HOXB8: variants seen among roughly 807,000 people sequenced by gnomAD.
The protein encoded by HOXB8 is homeobox protein Hox-B8.
HOXB8 carries 17 observed loss-of-function variants against 22.2 expected under a neutral mutation model. The ratio of observed to expected loss-of-function variants is 0.77; its 90% CI spans 0.53 to 1.15. HOXB8 has a LOEUF of 1.15. HOXB8 is among the 50% of genes most tolerant of loss of function. The probability of loss-of-function intolerance (pLI) is 0.00; values close to 1 mark genes in which losing one functional copy is unlikely to be tolerated. For missense variants in HOXB8, 287 were observed against 323.8 expected (o/e 0.89, Z 0.87); for synonymous variants, 156 against 144.6 (o/e 1.08, Z -0.57).
rs11267100 is a variant in HOXB8 at position 48,614,225 on chromosome 17, A to AGGCCCCCTGCCG, written c.424+55_424+56insCGGCAGGGGGCC. The AGGCCCCCTGCCG allele has an allele frequency of 7.4e-7, 1 of 1,354,116 alleles. No homozygotes were observed. The highest frequency in any genetic ancestry group is 9.6e-7 in the Non-Finnish European group (1 of 1,041,884). 83.9% of individuals were successfully genotyped at this position (1,354,116 alleles called of 1,614,324 possible). On this transcript the variant is annotated intron_variant, in intron 1 of 1. Transcript: ENST00000239144. This position sits in a 1 kb window ranked among gnomAD's most constrained non-coding sequence, Gnocchi z 4.1. ...TGGAGGAAATGCGCCCCGGCCTGCC[A>AGGCCCCCTGCCG]GGCCTTGGGCCCTTCCGGCCCCCTC...
Position 48,614,848 on chromosome 17 carries a change from G to A in HOXB8, c.-144C>T, listed in dbSNP as rs1030598876. ...AGTCACCCTCGCCAGGAAAGGAGAGGGAAAGAGAGGAGGGAAAAAAAGAAA... is the reference window on the plus strand; with the variant it reads ...AGTCACCCTCGCCAGGAAAGGAGAGAGAAAGAGAGGAGGGAAAAAAAGAAA... On this transcript the variant is annotated 5_prime_UTR_variant, in exon 1 of 2. Transcript: ENST00000239144. The surrounding 1 kb of genome is among the most constrained non-coding windows in gnomAD (Gnocchi z 4.1). 2 of 616,252 alleles carry A rather than the reference G, an allele frequency of 3.2e-6. No individual in the cohort carries two copies. The highest frequency in any genetic ancestry group is 2.3e-5 in the South Asian group (1 of 42,998). The allele number at this position is 616,252 out of a possible 1,614,324, so 38.2% of individuals were successfully genotyped here.
Position 48,613,272 on chromosome 17 carries a change from T to A in HOXB8, c.662A>T (p.Glu221Val), listed in dbSNP as rs768665495. The stretch of plus-strand genomic sequence containing the variant: ...TGGGGCCCGCTCCAGCTTCTGTTTC[T>A]CCAGCTCCTCCTGCTCGCATTTGCT... ...PSSKCEQEEL[E>V]KQKLERAPEA... The change falls in exon 2 of 2, where the codon GAG becomes GTG. Residue 221 changes from glutamate to valine, a missense_variant. Coordinates refer to ENST00000239144, the MANE Select transcript of HOXB8 (RefSeq NM_024016.4). 12 of 1,613,948 alleles carry A rather than the reference T, an allele frequency of 7.4e-6. No individual in the cohort carries two copies. Among genetic ancestry groups the A allele is most frequent in the Non-Finnish European group, 1.0e-5 (12 of 1,179,920 alleles).
At chr17:48,613,752 T>C (rs2070689055) in intron 1 of HOXB8, among the ~76,000 whole-genome samples, 1 of 151,986 alleles carries the variant, frequency 6.6e-6, no homozygotes, top group Non-Finnish European at 1.5e-5. Flanking sequence ...CCTCCCCCGG[T>C]AACCAGCACC....
In HOXB8 at chr17:48,615,280, T is replaced by G. The variant is rs1424938214; in HGVS notation, c.-576A>C. Among the ~76,000 whole-genome samples the G allele has an allele frequency of 6.7e-4, 70 of 104,546 alleles. No homozygotes were observed. Among genetic ancestry groups the G allele is most frequent in the Admixed American group, 1.4e-3 (10 of 7,190 alleles). 68.6% of individuals were successfully genotyped at this position (104,546 alleles called of 152,430 possible). A position where few individuals can be genotyped will look rare whatever the true frequency, so the allele number is the denominator to read the frequency against. ...GCTAGAGCGAGAGAGCGCCAGGGAG[T>G]GAGGAGAGAGCGGAAAAAAAAAAAG... On this transcript the variant is annotated 5_prime_UTR_variant, in exon 1 of 2. Coordinates refer to ENST00000239144, the MANE Select transcript of HOXB8 (RefSeq NM_024016.4).
intron 1 of HOXB8, among the ~76,000 whole-genome samples, chr17:48,613,752 TA>T (rs1186636891): frequency 1.3e-5 from 2 of 151,986 alleles, no homozygotes; most frequent in African/African-American, 4.8e-5. Context: ...CCTCCCCCGG[TA>T]ACCAGCACCA....
intron 1 of HOXB8, 114 bp from the exon 2 acceptor site, chr17:48,613,623 A>C: frequency 5.2e-6 from 3 of 575,252 alleles, no homozygotes; most frequent in Non-Finnish European, 5.2e-6. Context: ...TAATAAGGGC[A>C]GGGGACCTTC....
At chr17:48,613,681 A>C (rs56292972) in intron 1 of HOXB8, among the ~76,000 whole-genome samples, 172 bp from the exon 2 acceptor site, 134,056 of 149,758 alleles carry the variant, frequency 0.9, 60,232 homozygotes, top group Middle Eastern at 0.95. Flanking sequence ...CGGTCGGCGG[A>C]GGAGGAGGGG....
chr17:48,614,466 C>G lies in HOXB8; in HGVS notation c.239G>C (p.Gly80Ala). 1.2e-6 allele frequency: 2 copies of G among 1,614,006 alleles called. No homozygotes were observed. The highest frequency in any genetic ancestry group is 1.7e-6 in the Non-Finnish European group (2 of 1,179,936). ...GTAGCCGTAGAAATTGCCGGGGTCC[C>G]CGTGGCACGCCACGGCGCACGGGTT... ...QQNPCAVACH[G>A]DPGNFYGYDP... The change falls in exon 1 of 2, where the codon GGG (glycine) becomes GCG (alanine). Residue 80 changes from glycine (G) to alanine (A), a missense_variant. Coordinates refer to ENST00000239144, the MANE Select transcript of HOXB8 (RefSeq NM_024016.4). The surrounding 1 kb of genome is among the most constrained non-coding windows in gnomAD (Gnocchi z 4.1).
In HOXB8 at chr17:48,614,401, G is replaced by T. The variant is rs749106433; in HGVS notation, c.304C>A (p.Pro102Thr). 6.2e-7 allele frequency: 1 copy of T among 1,613,438 alleles called. No individual in the cohort carries two copies. Among genetic ancestry groups the T allele is most frequent in the East Asian group, 2.2e-5 (1 of 44,878 alleles). Reference sequence around the variant, plus strand: ...CAGTCTGCGTACTGCACCAGGTCTGGATCCTGCGCACCGAATAGGCTCTGG... The same window carrying T: ...CAGTCTGCGTACTGCACCAGGTCTGTATCCTGCGCACCGAATAGGCTCTGG... ...QRQSLFGAQD[P>T]DLVQYADCKL... Residue 102 changes from proline to threonine, a missense_variant, in exon 1 of 2, where the codon CCA becomes ACA. Physicochemically the swap from Pro to Thr is conservative, Grantham distance 38. Around this residue, in one of 3 missense-constraint regions of HOXB8, gnomAD observed 229 missense variants for 239.8 expected, o/e 0.95. Coordinates refer to ENST00000239144, the MANE Select transcript of HOXB8 (RefSeq NM_024016.4). The surrounding 1 kb of genome is among the most constrained non-coding windows in gnomAD (Gnocchi z 4.1).
chr17:48,613,680 G>A (rs2070687963), intron 1 of HOXB8, among the ~76,000 whole-genome samples, 171 bp from the exon 2 acceptor site: 1 of 152,052 alleles, frequency 6.6e-6, no homozygotes, highest in Non-Finnish European at 1.5e-5. Context: ...GCGGTCGGCG[G>A]AGGAGGAGGG....
At position 48,614,699 on chromosome 17, in the gene HOXB8, G is replaced by T; in HGVS notation, c.6C>A (p.Ser2Arg). ...AGAACAGTGAGTTGACGAAATAAGA[G>T]CTCATTTTATTGAATTTTGAGGCGG... Reference protein sequence around the residue: MSSYFVNSLFSK... With the variant: MRSYFVNSLFSK... Residue 2 changes from serine (S) to arginine (R), a missense_variant, in exon 1 of 2, where the codon AGC (serine) becomes AGA (arginine). Physicochemically the swap from Ser to Arg is moderately radical, Grantham distance 110. Transcript: ENST00000239144. This position sits in a 1 kb window ranked among gnomAD's most constrained non-coding sequence, Gnocchi z 4.1. The T allele has an allele frequency of 1.4e-6, 2 of 1,465,086 alleles. No individual in the cohort carries two copies. The highest frequency in any genetic ancestry group is 2.0e-5 in the Admixed American group (1 of 50,170). The allele number at this position is 1,465,086 out of a possible 1,614,324, so 90.8% of individuals were successfully genotyped here.
chr17:48,614,228 C>CCCCCTGCCCGGT lies in HOXB8; in HGVS notation c.424+52_424+53insACCGGGCAGGGG, dbSNP rs1369194629. 2 of 1,429,044 alleles carry CCCCCTGCCCGGT rather than the reference C, an allele frequency of 1.4e-6. No individual in the cohort carries two copies. The highest frequency in any genetic ancestry group is 2.9e-5 in the African/African-American group (2 of 69,102). 88.5% of individuals were successfully genotyped at this position (1,429,044 alleles called of 1,614,324 possible). On this transcript the variant is annotated intron_variant, in intron 1 of 1. Coordinates refer to ENST00000239144, the MANE Select transcript of HOXB8 (RefSeq NM_024016.4). The surrounding 1 kb of genome is among the most constrained non-coding windows in gnomAD (Gnocchi z 4.1). ...AGGAAATGCGCCCCGGCCTGCCAGG[C>CCCCCTGCCCGGT]CTTGGGCCCTTCCGGCCCCCTCCTG...
chr17:48,613,420 T>G lies in HOXB8; in HGVS notation c.514A>C (p.Thr172Pro). 3 of 1,613,366 alleles carry G rather than the reference T, an allele frequency of 1.9e-6. No individual in the cohort carries two copies. Among genetic ancestry groups the G allele is most frequent in the Non-Finnish European group, 2.5e-6 (3 of 1,179,770 alleles). ...GATACCTCGATTCGCCGCTTACGAG[T>G]CAGATAGGGATTAAATAGGAACTCC... ...EKEFLFNPYL[T>P]RKRRIEVSHA... The change falls in exon 2 of 2, where the codon ACT (threonine) becomes CCT (proline). Residue 172 changes from threonine to proline, a missense_variant. By Grantham distance (38) the Thr-to-Pro change is conservative. This residue lies in a region of HOXB8 where 229 missense variants were observed against 239.8 expected (regional missense o/e 0.95). Transcript: ENST00000239144.
chr17:48,613,094 G>T lies in HOXB8; in HGVS notation c.*108C>A. 1 of 676,912 alleles carries T rather than the reference G, an allele frequency of 1.5e-6. No individual in the cohort carries two copies. Among genetic ancestry groups the T allele is most frequent in the Non-Finnish European group, 2.0e-6 (1 of 511,854 alleles). The allele number at this position is 676,912 out of a possible 1,614,324, so 41.9% of individuals were successfully genotyped here. On this transcript the variant is annotated 3_prime_UTR_variant, in exon 2 of 2. Coordinates refer to ENST00000239144, the MANE Select transcript of HOXB8 (RefSeq NM_024016.4). ...GCTGCGGTGGGAGGCCCGGCTCCTG[G>T]CCCCGCTAGCGGGGCCAGAGCTCTC...
In HOXB8 at chr17:48,614,318, C is replaced by T; in HGVS notation, c.387G>A (p.Pro129=). ...GEEAEGSEQS[P]SPTQLFPWMR... ...TCCAGGGGAAGAGCTGTGTGGGCGA[C>T]GGGCTCTGCTCGGAGCCCTCGGCCT... is the stretch of plus-strand genomic sequence containing the variant. The change falls in exon 1 of 2, where the codon CCG becomes CCA. Residue 129 remains proline (P), a synonymous_variant. Coordinates refer to ENST00000239144, the MANE Select transcript of HOXB8 (RefSeq NM_024016.4). The surrounding 1 kb of genome is among the most constrained non-coding windows in gnomAD (Gnocchi z 4.1). 1 of 1,559,590 alleles carries T rather than the reference C, an allele frequency of 6.4e-7. No homozygotes were observed. Among genetic ancestry groups the T allele is most frequent in the Non-Finnish European group, 8.6e-7 (1 of 1,162,566 alleles).
intron 1 of HOXB8, 104 bp from the exon 2 acceptor site, chr17:48,613,613 T>C (rs923087593): frequency 1.4e-5 from 10 of 707,788 alleles, no homozygotes; most frequent in Non-Finnish European, 1.9e-5. Context: ...GAGACCATTA[T>C]AATAAGGGCA....
At position 48,614,886 on chromosome 17, in the gene HOXB8, CGAA is replaced by C. The variant is rs1013912603; in HGVS notation, c.-185_-183del. ...GGAAAAAAAGAAAAGAAAGAAAAGG[CGAA>C]GAAGATCTCGAAGCCGACACACTTT... is the stretch of plus-strand genomic sequence containing the variant. On this transcript the variant is annotated 5_prime_UTR_variant, in exon 1 of 2. Coordinates refer to ENST00000239144, the MANE Select transcript of HOXB8 (RefSeq NM_024016.4). The surrounding 1 kb of genome is among the most constrained non-coding windows in gnomAD (Gnocchi z 4.1). The C allele has an allele frequency of 1.3e-5, 7 of 548,608 alleles. No homozygotes were observed. The highest frequency in any genetic ancestry group is 1.1e-4 in the Admixed American group (3 of 27,260). The allele number at this position is 548,608 out of a possible 1,614,324, so 34.0% of individuals were successfully genotyped here.
intron 1 of HOXB8, 147 bp from the exon 2 acceptor site, chr17:48,613,656 G>T (rs545735664): frequency 6.7e-6 from 4 of 599,942 alleles, no homozygotes; most frequent in South Asian, 5.1e-5. Context: ...GGGCGGGGGG[G>T]GCGCAAGAAG....
At chr17:48,613,659 G>T (rs1302812600) in intron 1 of HOXB8, 150 bp from the exon 2 acceptor site, 4 of 591,902 alleles carry the variant, frequency 6.8e-6, no homozygotes, top group Non-Finnish European at 1.1e-5. Context: ...CGGGGGGGGC[G>T]CAAGAAGGCC....
Sources: gnomAD v4.1 joint callset for allele counts (sites outside exome capture counted in the v4.1 genomes callset) on GRCh38, gnomAD v4.1.1 for gene constraint, gnomAD v4.1.1 regional missense constraint, Gnocchi (gnomAD v3.1) non-coding constraint, MANE v1.5 for transcripts, NCBI Gene and HGNC (gene_info 2026-07-23, HGNC 2026-07-21) for gene names.